CACUL1: variants seen among roughly 807,000 people sequenced by gnomAD.
CACUL1 encodes CDK2-associated and cullin domain-containing protein 1.
In CACUL1, 13 loss-of-function variants were observed where a neutral mutation model predicts 45.2. The ratio of observed to expected loss-of-function variants is 0.29; its 90% CI spans 0.19 to 0.46. The LOEUF (loss-of-function observed/expected upper bound fraction) is 0.46, where lower values mean the gene tolerates loss of function less well. Ranked by LOEUF, CACUL1 falls within the 20% of genes least tolerant of loss-of-function variation. CACUL1 has a pLI of 1.00. For synonymous variants in CACUL1, 197 were observed against 174.2 expected (o/e 1.13, Z -1.03); for missense variants, 421 against 471.4 (o/e 0.89, Z 0.99).
intron 1 of CACUL1, among the ~76,000 whole-genome samples, chr10:118,748,089 A>T (rs931919870): frequency 1.3e-5 from 2 of 152,168 alleles, no homozygotes; most frequent in Non-Finnish European, 2.9e-5. Flanking sequence ...CATCTCCAAA[A>T]AAAAAGAGAG....
intron 1 of CACUL1, among the ~76,000 whole-genome samples, chr10:118,752,324 T>C (rs1288327139): frequency 6.6e-6 from 1 of 152,212 alleles, no homozygotes; most frequent in East Asian, 1.9e-4. Flanking sequence ...TATCTAGTTA[T>C]CTTGTACTCC....
At chr10:118,735,354 A>C (rs1249358304) in intron 1 of CACUL1, among the ~76,000 whole-genome samples, 1 of 152,244 alleles carries the variant, frequency 6.6e-6, no homozygotes, top group Non-Finnish European at 1.5e-5. Flanking sequence ...TCTACTGCAG[A>C]GACTGATCAT....
At chr10:118,739,262 G>A (rs894302909) in intron 1 of CACUL1, among the ~76,000 whole-genome samples, 2 of 151,806 alleles carry the variant, frequency 1.3e-5, no homozygotes, top group Non-Finnish European at 2.9e-5. Flanking sequence ...GATGAGAAAG[G>A]GGATGTAGCA....
At chr10:118,748,275 T>G (rs1406222930) in intron 1 of CACUL1, among the ~76,000 whole-genome samples, 2 of 152,126 alleles carry the variant, frequency 1.3e-5, no homozygotes, top group Non-Finnish European at 2.9e-5. Flanking sequence ...CTGGTAACCT[T>G]GAAAGACGAG....
rs1487145831 is a variant in CACUL1 at position 118,730,527 on chromosome 10, C to A, written c.368-117G>T. The A allele has an allele frequency of 3.5e-5, 33 of 940,004 alleles. No homozygotes were observed. The East Asian group carries it at 8.2e-4, about 23-fold the overall frequency. The allele number at this position is 940,004 out of a possible 1,614,324, so 58.2% of individuals were successfully genotyped here. A position where few individuals can be genotyped will look rare whatever the true frequency, so the allele number is the denominator to read the frequency against. ...TTACTCTTCTGATTTTACACTGACACTCTATCACCTAACTATCCTATTTCA... is the reference window on the plus strand; with the variant it reads ...TTACTCTTCTGATTTTACACTGACAATCTATCACCTAACTATCCTATTTCA... On this transcript the variant is annotated intron_variant, in intron 1 of 8. Transcript: ENST00000369151.
chr10:118,715,869 C>G (rs1326013068), intron 3 of CACUL1, among the ~76,000 whole-genome samples: 1 of 152,150 alleles, frequency 6.6e-6, no homozygotes, highest in Non-Finnish European at 1.5e-5. Context: ...CTAAACATGA[C>G]AAAACATGTA....
chr10:118,701,040 G>T (rs929340749), intron 5 of CACUL1, among the ~76,000 whole-genome samples: 8 of 152,132 alleles, frequency 5.3e-5, no homozygotes, highest in African/African-American at 1.7e-4. Context: ...AGGAAAAAGG[G>T]GCGGCGGGGA....
chr10:118,744,300 C>A (rs146595695), intron 1 of CACUL1, among the ~76,000 whole-genome samples: 1 of 152,034 alleles, frequency 6.6e-6, no homozygotes, highest in Admixed American at 6.6e-5. Flanking sequence ...GCAGGAGCAT[C>A]GCTTGAGCCC....
chr10:118,685,865 CT>C lies in CACUL1; in HGVS notation c.*262del. The stretch of plus-strand genomic sequence containing the variant: ...TTAGAAATGGTCACTTTCTGAGATG[CT>C]TTTTCCTCACAGAATCTGTAGATAA... On this transcript the variant is annotated 3_prime_UTR_variant, in exon 9 of 9. Transcript: ENST00000369151. The C allele has an allele frequency of 2.4e-5, 7 of 297,630 alleles. No homozygotes were observed. The highest frequency in any genetic ancestry group is 5.4e-5 in the East Asian group (1 of 18,378). The allele number at this position is 297,630 out of a possible 1,614,324, so 18.4% of individuals were successfully genotyped here.
At chr10:118,730,434 T>C in intron 1 of CACUL1, 24 bp from the exon 2 acceptor site, 1 of 1,579,326 alleles carries the variant, frequency 6.3e-7, no homozygotes, top group South Asian at 1.1e-5. Flanking sequence ...GTAAAATAAA[T>C]ATTACTACGT....
chr10:118,738,856 AAC>A (rs869115606), intron 1 of CACUL1, among the ~76,000 whole-genome samples: 2 of 148,594 alleles, frequency 1.3e-5, no homozygotes, highest in Admixed American at 6.9e-5. Context: ...AAAAATTAAA[AAC>A]AGTGTCATAA....
chr10:118,732,825 G>A (rs561191741), intron 1 of CACUL1, among the ~76,000 whole-genome samples: 6 of 152,246 alleles, frequency 3.9e-5, no homozygotes, highest in Admixed American at 3.9e-4. Context: ...TCTAGAATAT[G>A]ACCTTTGTAT....
At chr10:118,743,286 G>A (rs979705341) in intron 1 of CACUL1, among the ~76,000 whole-genome samples, 1 of 151,716 alleles carries the variant, frequency 6.6e-6, no homozygotes, top group African/African-American at 2.4e-5. Flanking sequence ...GTGGCAGGGG[G>A]GTTCTGACAA....
intron 8 of CACUL1, 139 bp downstream of exon 8, chr10:118,686,459 A>T: frequency 1.3e-6 from 1 of 759,346 alleles, no homozygotes; most frequent in Non-Finnish European, 2.3e-6. Flanking sequence ...CATGCAAAGC[A>T]TCCTGACCTT....
intron 2 of CACUL1, 70 bp from the exon 3 acceptor site, chr10:118,729,467 G>A: frequency 9.4e-7 from 1 of 1,062,432 alleles, no homozygotes; most frequent in Non-Finnish European, 1.4e-6. Context: ...CAAGGTTAAA[G>A]CACACTTTTG....
chr10:118,740,650 G>A (rs1202736613), intron 1 of CACUL1, among the ~76,000 whole-genome samples: 3 of 151,358 alleles, frequency 2.0e-5, no homozygotes, highest in Non-Finnish European at 4.4e-5. Flanking sequence ...ATAGTGGCCA[G>A]GCACGGCAGC....
chr10:118,707,004 C>A (rs1295184457), intron 4 of CACUL1, among the ~76,000 whole-genome samples: 1 of 152,040 alleles, frequency 6.6e-6, no homozygotes, highest in South Asian at 2.1e-4. Context: ...CTATGACTCT[C>A]GATATTTAAA....
chr10:118,700,182 C>A (rs1024945770), intron 5 of CACUL1, among the ~76,000 whole-genome samples: 2 of 151,990 alleles, frequency 1.3e-5, no homozygotes, highest in South Asian at 4.2e-4. Flanking sequence ...GGTAAAAGTT[C>A]ATTGTGGTGA....
At chr10:118,702,791 A>C (rs1305169619) in intron 4 of CACUL1, among the ~76,000 whole-genome samples, 1 of 152,276 alleles carries the variant, frequency 6.6e-6, no homozygotes, top group East Asian at 1.9e-4. Flanking sequence ...CACATTGGTC[A>C]GGCTGGTCTC....
Sources: gnomAD v4.1 joint callset for allele counts (sites outside exome capture counted in the v4.1 genomes callset) on GRCh38, gnomAD v4.1.1 for gene constraint, MANE v1.5 for transcripts, NCBI Gene and HGNC (gene_info 2026-07-23, HGNC 2026-07-21) for gene names.